The following RDH8 variants were observed in gnomAD, a reference collection of about 807,000 sequenced individuals.
RDH8 encodes retinol dehydrogenase 8.
RDH8 carries 14 observed loss-of-function variants against 22.3 expected under a neutral mutation model. That is an observed-to-expected ratio of 0.63 (90% confidence interval 0.42 to 0.98). RDH8 has a LOEUF of 0.98. Among genes scored for constraint, RDH8 ranks in the 50% least tolerant of loss-of-function variants. The pLI is 0.00. For missense variants in RDH8, 389 were observed against 409.8 expected, an observed-to-expected ratio of 0.95 and a Z score of 0.44; for synonymous variants, 175 against 171.7, an observed-to-expected ratio of 1.02 and a Z score of -0.15.
At position 10,013,616 on chromosome 19, in the gene RDH8, T is replaced by TTA; in HGVS notation, c.103+16_103+17insTA. 6.2e-7 allele frequency: 1 copy of TTA among 1,613,640 alleles called. No homozygotes were observed. Among genetic ancestry groups the TTA allele is most frequent in the Non-Finnish European group, 8.5e-7 (1 of 1,179,944 alleles). On this transcript the variant is annotated intron_variant, in intron 1 of 5. Coordinates refer to ENST00000591589, the MANE Select transcript of RDH8 (RefSeq NM_015725.4). ...CGCTACCAGGGTAAGAAGTGCAGGG[T>TTA]GGCACTAGGAGGCAGCCGGGTGGAA...
In RDH8 at chr19:10,019,306, T is replaced by A. The variant is rs58212191; in HGVS notation, c.442+396T>A. 8.7e-4 allele frequency among the ~76,000 whole-genome samples: 117 copies of A among 134,754 alleles called. No individual in the cohort carries two copies. In the East Asian group the frequency reaches 0.024, roughly 27 times the overall value. The allele number at this position is 134,754 out of a possible 152,430, so 88.4% of individuals were successfully genotyped here. ...AAGTGAAACTCTGTCTCAAAAAAAA[T>A]AATAATAAAATAAAATAAATTAGCC... On this transcript the variant is annotated intron_variant, in intron 3 of 5. Transcript: ENST00000591589.
At chr19:10,021,092 T>C (rs2087654654) in intron 4 of RDH8, 163 bp from the exon 5 acceptor site, 1 of 688,732 alleles carries the variant, frequency 1.5e-6, no homozygotes, top group South Asian at 1.9e-5. Flanking sequence ...GAGGATTGTT[T>C]GAACCCAGGA....
At chr19:10,018,437 T>C (rs1278726031) in intron 2 of RDH8, among the ~76,000 whole-genome samples, 1 of 152,142 alleles carries the variant, frequency 6.6e-6, no homozygotes, top group Non-Finnish European at 1.5e-5. Context: ...TCCCTAACCT[T>C]CGCAGGAAGG....
In RDH8 at chr19:10,017,170, G is replaced by A. The variant is rs139916374; in HGVS notation, c.217G>A (p.Val73Met). ...GCTGGACGTGTGCAGTGATGAGTCG[G>A]TGGCCCAGTGTCTCAGCTGTATCCA... ...AQLDVCSDES[V>M]AQCLSCIQGE... is the part of the protein sequence containing the mutation. The change falls in exon 2 of 6, where the codon GTG becomes ATG. Residue 73 changes from valine (V) to methionine (M), a missense_variant. Coordinates refer to ENST00000591589, the MANE Select transcript of RDH8 (RefSeq NM_015725.4). 685 of 1,609,252 alleles carry A rather than the reference G, an allele frequency of 4.3e-4. 4 individuals carry two copies. Among genetic ancestry groups the A allele is most frequent in the Admixed American group, 5.4e-4 (32 of 59,682 alleles).
chr19:10,021,193 G>T (rs1297082472), intron 4 of RDH8, 62 bp from the exon 5 acceptor site: 7 of 1,513,226 alleles, frequency 4.6e-6, no homozygotes, highest in Non-Finnish European at 6.3e-6. Flanking sequence ...AAAAAAAATG[G>T]ACAAAATAGG....
intron 3 of RDH8, among the ~76,000 whole-genome samples, chr19:10,019,422 G>A (rs1198937037): frequency 6.6e-6 from 1 of 152,050 alleles, no homozygotes; most frequent in Admixed American, 6.6e-5. Context: ...CACTTTGCGT[G>A]GCCTAGGCAG....
chr19:10,016,005 T>C (rs938528044), intron 1 of RDH8, among the ~76,000 whole-genome samples: 15 of 151,972 alleles, frequency 9.9e-5, no homozygotes, highest in Non-Finnish European at 1.5e-5. Flanking sequence ...AGTGTTCATA[T>C]ATGCACATAT....
intron 1 of RDH8, among the ~76,000 whole-genome samples, chr19:10,015,620 C>T (rs1165328557): frequency 6.1e-5 from 9 of 147,478 alleles, no homozygotes; most frequent in African/African-American, 2.0e-4. Flanking sequence ...AAGAGCGAGA[C>T]TCCGTCTCAA....
rs889128 is a variant in RDH8, at chr19:10,021,017, T to G, written c.536+215T>G. The G allele has an allele frequency of 0.4, 249,154 of 623,642 alleles. 52,398 individuals carry two copies. The highest frequency in any genetic ancestry group is 0.58 in the African/African-American group (31,358 of 54,034). 38.6% of individuals were successfully genotyped at this position (623,642 alleles called of 1,614,324 possible). On this transcript the variant is annotated intron_variant, in intron 4 of 5. Coordinates refer to ENST00000591589, the MANE Select transcript of RDH8 (RefSeq NM_015725.4). ...CGAGACCCCCATCTCAGCCCAAAAT[T>G]TAAAAATTAGCCAAGGGTGGTGGTG...
rs763710672 is a variant in RDH8 at position 10,021,261 on chromosome 19, C to T, written c.543C>T (p.Ser181=). 3 of 1,614,056 alleles carry T rather than the reference C, an allele frequency of 1.9e-6. No homozygotes were observed. The East Asian group carries it at 6.7e-5, about 36-fold the overall frequency. Residue 181 remains serine, a synonymous_variant, in exon 5 of 6, where the codon TCC becomes TCT. Coordinates refer to ENST00000591589, the MANE Select transcript of RDH8 (RefSeq NM_015725.4). The part of the protein sequence containing the change: ...IQLLQFNIFI[S]LVEPGPVVTE... ...ACCCATGCCTGGTCGCCAGCATCTC[C>T]CTGGTGGAGCCAGGCCCCGTGGTCA...
intron 1 of RDH8, among the ~76,000 whole-genome samples, chr19:10,015,268 A>G (rs796661954): frequency 9.2e-5 from 14 of 152,112 alleles, no homozygotes; most frequent in African/African-American, 3.4e-4. Flanking sequence ...CCTGGCCAAC[A>G]TGGTGAAACC....
chr19:10,016,124 C>CTTATCTTAT (rs1555744191), intron 1 of RDH8, among the ~76,000 whole-genome samples: 21 of 142,352 alleles, frequency 1.5e-4, no homozygotes, highest in Non-Finnish European at 4.5e-5. Flanking sequence ...GAAACTTTAT[C>CTTATCTTAT]TTATTTATTT....
At chr19:10,020,255 T>C (rs940701100) in intron 3 of RDH8, among the ~76,000 whole-genome samples, 2 of 150,744 alleles carry the variant, frequency 1.3e-5, no homozygotes, top group Admixed American at 6.6e-5. Context: ...TGAGCCATGA[T>C]TGCACCACTG....
At chr19:10,020,235 A>C in intron 3 of RDH8, among the ~76,000 whole-genome samples, 1 of 151,832 alleles carries the variant, frequency 6.6e-6, no homozygotes, top group East Asian at 1.9e-4. Flanking sequence ...TCAGGAGTTC[A>C]AGGCTGCAGT....
Position 10,021,365 on chromosome 19 carries a change from T to G in RDH8, c.647T>G (p.Phe216Cys). 1.2e-6 allele frequency: 2 copies of G among 1,613,926 alleles called. No homozygotes were observed. Among genetic ancestry groups the G allele is most frequent in the Non-Finnish European group, 1.7e-6 (2 of 1,179,980 alleles). Residue 216 changes from phenylalanine (F) to cysteine (C), a missense_variant, in exon 5 of 6, where the codon TTC (phenylalanine) becomes TGC (cysteine). Physicochemically the swap from Phe to Cys is radical, Grantham distance 205 (BLOSUM62 -2). Transcript: ENST00000591589. ...PGTDPETLHYFRDLYLPASRK... is the reference protein window; with the variant it reads ...PGTDPETLHYCRDLYLPASRK... ...ACTGACCCTGAGACCCTGCACTACT[T>G]CCGGGACCTCTATCTCCCAGCCTCC...
At chr19:10,016,766 C>A (rs542183384) in intron 1 of RDH8, among the ~76,000 whole-genome samples, 34 of 152,288 alleles carry the variant, frequency 2.2e-4, no homozygotes, top group Middle Eastern at 3.4e-3. Flanking sequence ...GCCACCACAC[C>A]TGGTGACTTT....
intron 3 of RDH8, among the ~76,000 whole-genome samples, chr19:10,019,827 A>AACAAAC (rs963266357): frequency 2.0e-5 from 3 of 151,044 alleles, no homozygotes; most frequent in Admixed American, 6.6e-5. Flanking sequence ...TAAGTAAACA[A>AACAAAC]ACAAACAAAC....
Position 10,018,810 on chromosome 19 carries a change from C to T in RDH8, c.342C>T (p.Asn114=). The change falls in exon 3 of 6, where the codon AAC becomes AAT. Residue 114 remains asparagine, a synonymous_variant. Transcript: ENST00000591589. ...LAAMQNVFDT[N]FFGAVRLVKA... Reference sequence around the variant, plus strand: ...CCATGCAGAATGTCTTTGACACCAACTTTTTCGGAGCTGTCCGTCTCGTCA... The same window carrying T: ...CCATGCAGAATGTCTTTGACACCAATTTTTTCGGAGCTGTCCGTCTCGTCA... 6.2e-7 allele frequency: 1 copy of T among 1,614,022 alleles called. No individual in the cohort carries two copies. Among genetic ancestry groups the T allele is most frequent in the African/African-American group, 1.3e-5 (1 of 75,046 alleles).
chr19:10,020,585 T>C (rs953821005), intron 3 of RDH8, 124 bp from the exon 4 acceptor site: 16 of 658,718 alleles, frequency 2.4e-5, no homozygotes, highest in East Asian at 5.5e-5. Context: ...CTTGGCACCA[T>C]GTATCTGCTT....
Sources: gnomAD v4.1 joint callset for allele counts (sites outside exome capture counted in the v4.1 genomes callset) on GRCh38, gnomAD v4.1.1 for gene constraint, MANE v1.5 for transcripts, NCBI Gene and HGNC (gene_info 2026-07-23, HGNC 2026-07-21) for gene names.